The following IL1RL1 variants were observed in gnomAD, a reference collection of about 807,000 sequenced individuals.
IL1RL1 encodes the protein interleukin 1 receptor like 1, also known as interleukin-1 receptor-like 1.
IL1RL1 carries 32 observed loss-of-function variants against 50.9 expected under a neutral mutation model. That is an observed-to-expected ratio of 0.63 (90% CI 0.47 to 0.84). IL1RL1 has a LOEUF of 0.84. Ranked by LOEUF, IL1RL1 falls within the 40% of genes least tolerant of loss-of-function variation. The pLI, the probability that IL1RL1 is intolerant of heterozygous loss-of-function variation, is 0.00. For synonymous variants in IL1RL1, 275 were observed against 236.0 expected (o/e 1.17, Z -1.51); for missense variants, 773 against 662.9 (o/e 1.17, Z -1.82).
chr2:102,321,339 A>G (rs550544362), intron 1 of IL1RL1, among the ~76,000 whole-genome samples: 2 of 152,144 alleles, frequency 1.3e-5, no homozygotes, highest in Non-Finnish European at 2.9e-5. Flanking sequence ...TGTGTGGTGC[A>G]TTGCTGTATC....
intron 1 of IL1RL1, among the ~76,000 whole-genome samples, chr2:102,326,378 G>C (rs183422124): frequency 0.011 from 1,745 of 152,156 alleles, 32 homozygotes; most frequent in African/African-American, 0.04. Flanking sequence ...GGAACAACCG[G>C]TACCAGCCAC....
intron 1 of IL1RL1, among the ~76,000 whole-genome samples, chr2:102,327,766 A>G (rs1677054835): frequency 6.6e-6 from 1 of 152,238 alleles, no homozygotes; most frequent in South Asian, 2.1e-4. Flanking sequence ...AGAAATGGAT[A>G]AATTCCTGTT....
rs1187684607 is a variant in IL1RL1, at chr2:102,351,758, T to G, written c.1508T>G (p.Leu503Arg). The change falls in exon 11 of 11, where the codon CTT becomes CGT. Residue 503 changes from leucine (L) to arginine (R), a missense_variant. Transcript: ENST00000233954. ...AEALQDSLQHLMKVQGTIKWR... is the reference protein window; with the variant it reads ...AEALQDSLQHRMKVQGTIKWR... Reference sequence around the variant, plus strand: ...GCGCTTCAGGACTCCCTCCAGCATCTTATGAAAGTACAGGGGACCATCAAG... The same window carrying G: ...GCGCTTCAGGACTCCCTCCAGCATCGTATGAAAGTACAGGGGACCATCAAG... 6.2e-7 allele frequency: 1 copy of G among 1,614,070 alleles called. No homozygotes were observed. The highest frequency in any genetic ancestry group is 1.7e-5 in the Admixed American group (1 of 60,010).
chr2:102,344,689 T>C, intron 8 of IL1RL1: 1 of 866,092 alleles, frequency 1.2e-6, no homozygotes, highest in Non-Finnish European at 1.4e-6. Context: ...CTCAGCTAAA[T>C]ATTTGTTGAC....
intron 1 of IL1RL1, among the ~76,000 whole-genome samples, chr2:102,326,346 A>G (rs1318903702): frequency 2.6e-5 from 4 of 152,202 alleles, no homozygotes; most frequent in Non-Finnish European, 4.4e-5. Flanking sequence ...AGAGCTCCTG[A>G]AGGAAGCACT....
At chr2:102,343,708 CCTCT>C in intron 8 of IL1RL1, 1 of 1,322,146 alleles carries the variant, frequency 7.6e-7, no homozygotes, top group Non-Finnish European at 9.7e-7. Flanking sequence ...TTATGAACTC[CCTCT>C]GTGTCACTGT....
chr2:102,342,411 A>C, intron 6 of IL1RL1, 117 bp downstream of exon 6: 1 of 682,546 alleles, frequency 1.5e-6, no homozygotes. Context: ...CTTGAGGAGT[A>C]AGTGAGGTGA....
intron 5 of IL1RL1, 127 bp downstream of exon 5, chr2:102,340,955 T>C (rs1677536276): frequency 2.7e-6 from 2 of 750,140 alleles, no homozygotes; most frequent in Non-Finnish European, 4.1e-6. Context: ...CTCCATCTTA[T>C]CTTATACATT....
At chr2:102,321,261 T>A (rs898378378) in intron 1 of IL1RL1, among the ~76,000 whole-genome samples, 2 of 152,244 alleles carry the variant, frequency 1.3e-5, no homozygotes, top group African/African-American at 4.8e-5. Flanking sequence ...TATTTCTTTA[T>A]GTTACTTATT....
intron 1 of IL1RL1, among the ~76,000 whole-genome samples, chr2:102,331,669 G>C (rs1394295893): frequency 6.6e-6 from 1 of 152,332 alleles, no homozygotes; most frequent in South Asian, 2.1e-4. Context: ...AGAGATGTAA[G>C]AGCATGGTGA....
chr2:102,328,974 A>C (rs1677094525), intron 1 of IL1RL1, among the ~76,000 whole-genome samples: 1 of 152,178 alleles, frequency 6.6e-6, no homozygotes, highest in African/African-American at 2.4e-5. Context: ...TCTTCACAGA[A>C]TTGGAAAAAA....
intron 1 of IL1RL1, 111 bp from the exon 2 acceptor site, chr2:102,338,005 T>A: frequency 3.6e-6 from 1 of 276,804 alleles, no homozygotes; most frequent in East Asian, 6.2e-5. Flanking sequence ...TACATCTCTT[T>A]GCACTTAATA....
intron 1 of IL1RL1, among the ~76,000 whole-genome samples, chr2:102,327,321 A>C (rs4625927): frequency 0.17 from 25,800 of 151,342 alleles, 2,474 homozygotes; most frequent in African/African-American, 0.25. Context: ...ACAAAGACAC[A>C]ACATACCAGA....
intron 8 of IL1RL1, among the ~76,000 whole-genome samples, chr2:102,347,605 C>T (rs971527889): frequency 1.3e-5 from 2 of 152,330 alleles, no homozygotes; most frequent in South Asian, 4.1e-4. Context: ...GAGGCCTCCT[C>T]CTCCTCCAGG....
chr2:102,352,189 G>A (rs1677954974), downstream of IL1RL1, among the ~76,000 whole-genome samples: 3 of 150,542 alleles, frequency 2.0e-5, no homozygotes, highest in South Asian at 6.3e-4. Flanking sequence ...GGTGTGGGAT[G>A]TTTTCACTAC....
chr2:102,340,886 A>C, intron 5 of IL1RL1, 58 bp downstream of exon 5: 1 of 1,381,440 alleles, frequency 7.2e-7, no homozygotes, highest in African/African-American at 1.5e-5. Context: ...AAGTGGGAAC[A>C]GCGGTGCCCT....
At chr2:102,343,510 G>C in intron 8 of IL1RL1, 95 bp downstream of exon 8, 1 of 1,606,702 alleles carries the variant, frequency 6.2e-7, no homozygotes, top group Non-Finnish European at 8.5e-7. Context: ...CAAGACAATG[G>C]GAATGGCCTG....
chr2:102,320,880 C>T (rs1676818037), intron 1 of IL1RL1, among the ~76,000 whole-genome samples: 1 of 152,160 alleles, frequency 6.6e-6, no homozygotes, highest in East Asian at 1.9e-4. Context: ...TGTTTAATAC[C>T]TACGTCAAGT....
At position 102,340,197 on chromosome 2, in the gene IL1RL1, A is replaced by G. The variant is rs977437589; in HGVS notation, c.372A>G (p.Gly124=). 12 of 1,604,906 alleles carry G rather than the reference A, an allele frequency of 7.5e-6. 1 individual carries two copies. In the Admixed American group the frequency reaches 1.6e-4, roughly 21 times the overall value. Residue 124 remains glycine (G), a synonymous_variant, in exon 4 of 11, where the codon GGA becomes GGG. Coordinates refer to ENST00000233954, the MANE Select transcript of IL1RL1 (RefSeq NM_016232.5). ...PDYLMYSTVS[G]SEKNSKIYCP... ...ATTTGATGTATTCAACAGTATCTGG[A>G]TCAGAAAAAAATTCCAAAATTTATT...
Sources: gnomAD v4.1 joint callset for allele counts (sites outside exome capture counted in the v4.1 genomes callset) on GRCh38, gnomAD v4.1.1 for gene constraint, MANE v1.5 for transcripts, NCBI Gene and HGNC (gene_info 2026-07-23, HGNC 2026-07-21) for gene names.